The following SNX25 variants were observed in gnomAD, a reference collection of about 807,000 sequenced individuals.
SNX25 encodes the protein sorting nexin 25.
SNX25 carries 62 observed loss-of-function variants against 113.7 expected under a neutral mutation model. That is an observed-to-expected ratio of 0.55 (90% CI 0.44 to 0.67). SNX25 has a LOEUF of 0.67. Among genes scored for constraint, SNX25 ranks in the 30% least tolerant of loss-of-function variants. SNX25 has a pLI of 0.00. For synonymous variants in SNX25, 421 were observed against 436.2 expected (o/e 0.97, Z 0.43); for missense variants, 1,014 against 1,161.0 (o/e 0.87, Z 1.84).
intron 1 of SNX25, among the ~76,000 whole-genome samples, chr4:185,230,257 G>A (rs1218358332): frequency 6.6e-6 from 1 of 152,146 alleles, no homozygotes; most frequent in African/African-American, 2.4e-5. Flanking sequence ...ACTGCCTCTT[G>A]TCTTTATGAA....
At chr4:185,354,522 G>A (rs1343242305) in intron 15 of SNX25, among the ~76,000 whole-genome samples, 1 of 152,136 alleles carries the variant, frequency 6.6e-6, no homozygotes, top group Non-Finnish European at 1.5e-5. Context: ...ACAGCCCCGC[G>A]GCAGAGTTGT....
At chr4:185,331,521 C>T (rs2095195108) in intron 9 of SNX25, among the ~76,000 whole-genome samples, 1 of 152,176 alleles carries the variant, frequency 6.6e-6, no homozygotes, top group African/African-American at 2.4e-5. Flanking sequence ...TGGCTCACAT[C>T]TGTAATTCCA....
intron 5 of SNX25, among the ~76,000 whole-genome samples, chr4:185,276,813 T>G (rs752690510): frequency 1.3e-5 from 2 of 152,198 alleles, no homozygotes; most frequent in Non-Finnish European, 2.9e-5. Flanking sequence ...ACCTGCTGGC[T>G]GCCCTTGGAG....
chr4:185,341,195 G>A (rs1022372514), intron 11 of SNX25, among the ~76,000 whole-genome samples: 2 of 152,202 alleles, frequency 1.3e-5, no homozygotes, highest in African/African-American at 4.8e-5. Context: ...GGCCTATTCT[G>A]GATTAGTGTG....
chr4:185,228,211 T>C (rs748178747), intron 1 of SNX25, among the ~76,000 whole-genome samples: 6 of 152,176 alleles, frequency 3.9e-5, no homozygotes, highest in Non-Finnish European at 5.9e-5. Context: ...GTGTGTGTTA[T>C]GGGATTTTTG....
intron 7 of SNX25, among the ~76,000 whole-genome samples, chr4:185,320,280 G>A (rs984274835): frequency 3.3e-5 from 5 of 152,210 alleles, no homozygotes; most frequent in Non-Finnish European, 5.9e-5. Flanking sequence ...TATACATCAT[G>A]GAATACTATG....
intron 14 of SNX25, 25 bp downstream of exon 14, chr4:185,351,634 C>T (rs780397185): frequency 1.2e-6 from 2 of 1,609,046 alleles, no homozygotes; most frequent in East Asian, 4.5e-5. Flanking sequence ...GAGTGAACCA[C>T]TTTTGTAGTG....
intron 18 of SNX25, 141 bp downstream of exon 18, chr4:185,362,852 T>TC: frequency 1.6e-6 from 1 of 643,124 alleles, no homozygotes; most frequent in Admixed American, 3.1e-5. Context: ...TTTTTTTTTT[T>TC]TTTTTTTGAG....
At chr4:185,294,880 C>A (rs1007771932) in intron 6 of SNX25, among the ~76,000 whole-genome samples, 3 of 151,278 alleles carry the variant, frequency 2.0e-5, no homozygotes, top group African/African-American at 7.3e-5. Flanking sequence ...CTTACTTTTT[C>A]TTTTAACTCA....
downstream of SNX25, chr4:185,367,167 A>G: frequency 3.7e-6 from 6 of 1,606,528 alleles, no homozygotes; most frequent in Non-Finnish European, 5.1e-6. Context: ...TCTTTGTTGA[A>G]ATACATTGTG....
intron 5 of SNX25, among the ~76,000 whole-genome samples, chr4:185,278,600 G>A (rs989166591): frequency 6.6e-6 from 1 of 152,172 alleles, no homozygotes; most frequent in Non-Finnish European, 1.5e-5. Context: ...TACACTTTCA[G>A]ATCCTGACTT....
At chr4:185,265,429 A>G (rs1191939634) in intron 4 of SNX25, among the ~76,000 whole-genome samples, 1 of 152,222 alleles carries the variant, frequency 6.6e-6, no homozygotes. Flanking sequence ...ATCTAAGTAT[A>G]GAAAAGGTAC....
At chr4:185,205,906 C>G (rs1579283479), upstream of SNX25, among the ~76,000 whole-genome samples, 1 of 152,000 alleles carries the variant, frequency 6.6e-6, no homozygotes. Flanking sequence ...GAAAATATAC[C>G]AATGGCCAAT....
rs2095138238 is a variant in SNX25, at chr4:185,323,942, C to T, written c.1749+142C>T. The T allele has an allele frequency of 2.3e-5, 19 of 818,220 alleles. No homozygotes were observed. In the South Asian group the frequency reaches 2.7e-4, roughly 11 times the overall value. The allele number at this position is 818,220 out of a possible 1,614,324, so 50.7% of individuals were successfully genotyped here. A position where few individuals can be genotyped will look rare whatever the true frequency, so the allele number is the denominator to read the frequency against. ...ACCTTAAATAGAATAAAAGTAGCAT[C>T]GTTTAATATACAAGACCTTAAATAG... On this transcript the variant is annotated intron_variant, in intron 9 of 18. Transcript: ENST00000652585.
At chr4:185,326,284 T>A (rs2095156791) in intron 9 of SNX25, among the ~76,000 whole-genome samples, 1 of 152,208 alleles carries the variant, frequency 6.6e-6, no homozygotes, top group African/African-American at 2.4e-5. Context: ...CCTGTCCTGC[T>A]TGACATTAAT....
chr4:185,373,466 C>G (rs766872965), downstream of SNX25, among the ~76,000 whole-genome samples: 1 of 152,134 alleles, frequency 6.6e-6, no homozygotes, highest in Non-Finnish European at 1.5e-5. Context: ...TTCGAGCTCC[C>G]GGTGGATTCT....
chr4:185,343,097 G>A (rs1258139872), intron 12 of SNX25, among the ~76,000 whole-genome samples: 2 of 152,086 alleles, frequency 1.3e-5, no homozygotes, highest in Non-Finnish European at 2.9e-5. Context: ...CACCATGTTG[G>A]CCAGGCTGGT....
At chr4:185,204,865 A>G (rs1338013015), upstream of SNX25, among the ~76,000 whole-genome samples, 1 of 152,210 alleles carries the variant, frequency 6.6e-6, no homozygotes, top group Non-Finnish European at 1.5e-5. Flanking sequence ...TCAGGAAGGA[A>G]CTAGAGCCTG....
chr4:185,291,655 T>C (rs1051511334), intron 6 of SNX25, among the ~76,000 whole-genome samples: 2 of 152,212 alleles, frequency 1.3e-5, no homozygotes, highest in Non-Finnish European at 2.9e-5. Context: ...GCTTTCCATG[T>C]TGCTGGCAAT....
Sources: gnomAD v4.1 joint callset for allele counts (sites outside exome capture counted in the v4.1 genomes callset) on GRCh38, gnomAD v4.1.1 for gene constraint, MANE v1.5 for transcripts, NCBI Gene and HGNC (gene_info 2026-07-23, HGNC 2026-07-21) for gene names.